The following SETBP1 variants were observed in gnomAD, a reference collection of about 807,000 sequenced individuals.
The protein encoded by SETBP1 is SET-binding protein.
A neutral mutation model predicts 101.0 loss-of-function variants in SETBP1; 9 were observed. The observed-to-expected ratio is 0.09, with a 90% CI of 0.05 to 0.16. SETBP1 has a LOEUF of 0.16. SETBP1 is among the 10% of genes least tolerant of loss of function. The pLI, the probability that SETBP1 is intolerant of heterozygous loss-of-function variation, is 1.00. For missense variants in SETBP1, 1,858 were observed against 2,033.8 expected, an observed-to-expected ratio of 0.91 and a Z score of 1.66; for synonymous variants, 818 against 788.5, an observed-to-expected ratio of 1.04 and a Z score of -0.63.
At chr18:44,738,906 T>A (rs559651035) in intron 2 of SETBP1, among the ~76,000 whole-genome samples, 88 of 152,292 alleles carry the variant, frequency 5.8e-4, no homozygotes, top group African/African-American at 2.1e-3. Flanking sequence ...TTTTATTATT[T>A]TATATTTCTG....
At chr18:45,027,095 C>T (rs1480700205) in intron 4 of SETBP1, among the ~76,000 whole-genome samples, 4 of 152,180 alleles carry the variant, frequency 2.6e-5, no homozygotes, top group African/African-American at 9.7e-5. Flanking sequence ...CACCTTTGAG[C>T]TGGCATAACC....
chr18:45,047,507 G>A (rs2145536137), intron 5 of SETBP1, among the ~76,000 whole-genome samples: 1 of 152,266 alleles, frequency 6.6e-6, no homozygotes, highest in East Asian at 1.9e-4. Flanking sequence ...TAATTTAGTG[G>A]CAACTGAAAG....
intron 2 of SETBP1, among the ~76,000 whole-genome samples, chr18:44,868,710 G>GA (rs1568190525): frequency 0.026 from 176 of 6,810 alleles, 9 homozygotes; most frequent in South Asian, 0.041. Flanking sequence ...ACGGAAGGAA[G>GA]GGAGGAAGGA....
intron 4 of SETBP1, among the ~76,000 whole-genome samples, chr18:44,955,251 T>C (rs2145125811): frequency 6.6e-6 from 1 of 152,326 alleles, no homozygotes; most frequent in East Asian, 1.9e-4. Flanking sequence ...TTATATCGCA[T>C]TCATCACTTT....
chr18:44,845,236 C>T (rs777662136), intron 2 of SETBP1, among the ~76,000 whole-genome samples: 2 of 152,146 alleles, frequency 1.3e-5, no homozygotes, highest in African/African-American at 4.8e-5. Flanking sequence ...TTTCCATGCT[C>T]TCAGTTAAAT....
At chr18:45,028,343 T>C (rs917726227) in intron 4 of SETBP1, among the ~76,000 whole-genome samples, 7 of 152,076 alleles carry the variant, frequency 4.6e-5, no homozygotes, top group Non-Finnish European at 1.0e-4. Context: ...CATGAACTCA[T>C]CATTTTTTAT....
rs775644229 is a variant in SETBP1 at position 44,950,053 on chromosome 18, G to T, written c.713G>T (p.Ser238Ile). ...SGPVTQNCFI[S>I]PESGRETAST... ...CCCGTCACTCAGAATTGCTTCATCA[G>T]TCCAGAGTCTGGCAGAGAAACTGCA... Residue 238 changes from serine (S) to isoleucine (I), a missense_variant, in exon 4 of 6, where the codon AGT (serine) becomes ATT (isoleucine). Coordinates refer to ENST00000649279, the MANE Select transcript of SETBP1 (RefSeq NM_015559.3). 1 of 1,614,204 alleles carries T rather than the reference G, an allele frequency of 6.2e-7. No homozygotes were observed. The highest frequency in any genetic ancestry group is 1.1e-5 in the South Asian group (1 of 91,088).
At chr18:44,996,961 C>CT (rs1293980855) in intron 4 of SETBP1, among the ~76,000 whole-genome samples, 1 of 152,090 alleles carries the variant, frequency 6.6e-6, no homozygotes, top group Non-Finnish European at 1.5e-5. Context: ...CGGGAGTATC[C>CT]CAGAGTGTTT....
chr18:44,836,889 C>A (rs1356971488), intron 2 of SETBP1, among the ~76,000 whole-genome samples: 1 of 152,212 alleles, frequency 6.6e-6, no homozygotes. Flanking sequence ...ATTTGAGCCA[C>A]TGCAGTTTTG....
chr18:44,868,013 T>C (rs1453474069), intron 2 of SETBP1, among the ~76,000 whole-genome samples: 2 of 152,204 alleles, frequency 1.3e-5, no homozygotes, highest in Non-Finnish European at 2.9e-5. Context: ...TGAATCAAAA[T>C]AAGCATCTGC....
intron 4 of SETBP1, among the ~76,000 whole-genome samples, chr18:44,981,544 A>G (rs1369162647): frequency 1.3e-5 from 2 of 152,356 alleles, no homozygotes; most frequent in East Asian, 1.9e-4. Flanking sequence ...ATTGCACAAT[A>G]TAGAGTTGTT....
At chr18:44,814,095 G>C (rs2071923162) in intron 2 of SETBP1, among the ~76,000 whole-genome samples, 1 of 152,196 alleles carries the variant, frequency 6.6e-6, no homozygotes, top group African/African-American at 2.4e-5. Flanking sequence ...ATCTATAGCT[G>C]AGGCAAGGGC....
chr18:44,879,825 A>G (rs917378817), intron 3 of SETBP1, among the ~76,000 whole-genome samples: 2 of 152,214 alleles, frequency 1.3e-5, no homozygotes, highest in Admixed American at 1.3e-4. Flanking sequence ...ACTTGCCTTC[A>G]TTGACTGCTT....
At chr18:44,943,690 CT>C (rs996970918) in intron 3 of SETBP1, among the ~76,000 whole-genome samples, 1 of 152,208 alleles carries the variant, frequency 6.6e-6, no homozygotes, top group Non-Finnish European at 1.5e-5. Flanking sequence ...TGGTTGCATT[CT>C]TTGTCTCCCA....
chr18:44,994,377 A>C (rs1258737300), intron 4 of SETBP1, among the ~76,000 whole-genome samples: 2 of 152,224 alleles, frequency 1.3e-5, no homozygotes, highest in Non-Finnish European at 2.9e-5. Context: ...AAATCTGTGA[A>C]TACTAAGGAT....
intron 2 of SETBP1, among the ~76,000 whole-genome samples, chr18:44,848,572 T>C (rs1391387057): frequency 6.6e-6 from 1 of 152,232 alleles, no homozygotes; most frequent in East Asian, 1.9e-4. Context: ...CCTCTGGCAT[T>C]TTAGATGAAG....
At chr18:44,979,737 A>G (rs190506388) in intron 4 of SETBP1, among the ~76,000 whole-genome samples, 49 of 152,374 alleles carry the variant, frequency 3.2e-4, no homozygotes, top group Non-Finnish European at 6.2e-4. Context: ...TCTCAGAGAA[A>G]CGAAATATGG....
At chr18:44,727,186 C>CTCTGTGTGTGTG (rs143445388) in intron 2 of SETBP1, among the ~76,000 whole-genome samples, 146 of 145,304 alleles carry the variant, frequency 1.0e-3, no homozygotes, top group African/African-American at 3.6e-3. Flanking sequence ...TATTTGATCA[C>CTCTGTGTGTGTG]TGTGTGTGTG....
chr18:44,716,812 C>T (rs538780546), intron 2 of SETBP1, among the ~76,000 whole-genome samples: 1 of 152,318 alleles, frequency 6.6e-6, no homozygotes, highest in South Asian at 2.1e-4. Context: ...ATCCACCCAC[C>T]TTGGCCTCCG....
Sources: gnomAD v4.1 joint callset for allele counts (sites outside exome capture counted in the v4.1 genomes callset) on GRCh38, gnomAD v4.1.1 for gene constraint, MANE v1.5 for transcripts, NCBI Gene and HGNC (gene_info 2026-07-23, HGNC 2026-07-21) for gene names.